Variants in SNX29 observed in about 807,000 individuals in gnomAD.
The protein encoded by SNX29 is sorting nexin 29, also known as sorting nexin-29.
In SNX29, 78 loss-of-function variants were observed where a neutral mutation model predicts 102.1. That is an observed-to-expected ratio of 0.76 (90% CI 0.64 to 0.92). The LOEUF (loss-of-function observed/expected upper bound fraction) is 0.92, where lower values mean the gene tolerates loss of function less well. Among genes scored for constraint, SNX29 ranks in the 40% least tolerant of loss-of-function variants. SNX29 has a pLI of 0.00. For synonymous variants in SNX29, 580 were observed against 414.5 expected, an observed-to-expected ratio of 1.40 and a Z score of -4.85; for missense variants, 1,280 against 1,061.7, an observed-to-expected ratio of 1.21 and a Z score of -2.86.
At chr16:12,187,850 C>G (rs929339146) in intron 13 of SNX29, among the ~76,000 whole-genome samples, 1 of 152,220 alleles carries the variant, frequency 6.6e-6, no homozygotes, top group East Asian at 1.9e-4. Context: ...GAGAGGCTCC[C>G]TCACCTTCCC....
At chr16:12,564,550 C>T (rs1054654066) in intron 20 of SNX29, among the ~76,000 whole-genome samples, 36 of 152,160 alleles carry the variant, frequency 2.4e-4, no homozygotes, top group Non-Finnish European at 4.4e-4. Flanking sequence ...AGGCCTTTGG[C>T]AACCCATTCT....
chr16:12,511,177 C>A (rs962418211), intron 19 of SNX29, among the ~76,000 whole-genome samples: 3 of 152,116 alleles, frequency 2.0e-5, no homozygotes, highest in African/African-American at 7.2e-5. Flanking sequence ...AACTGCGGGA[C>A]TAGTTCATTT....
At position 12,015,039 on chromosome 16, in the gene SNX29, C is replaced by T. The variant is rs111609520; in HGVS notation, c.122+11996C>T. ...GTATGTTTTCCTTCCCTTTGGGTTG[C>T]TTATGTTAATGACCAAGAATTATTT... On this transcript the variant is annotated intron_variant, in intron 3 of 20. Coordinates refer to ENST00000566228, the MANE Select transcript of SNX29 (RefSeq NM_032167.5). Among the ~76,000 whole-genome samples the T allele has an allele frequency of 9.7e-3, 1,475 of 151,966 alleles. 40 individuals are homozygous for T. The highest frequency in any genetic ancestry group is 0.034 in the African/African-American group (1,393 of 41,424).
chr16:12,539,605 AGAGTT>A (rs1428120849), intron 20 of SNX29, among the ~76,000 whole-genome samples: 2 of 152,190 alleles, frequency 1.3e-5, no homozygotes, highest in Non-Finnish European at 2.9e-5. Flanking sequence ...CAAATACCTA[AGAGTT>A]GAGGACTGGA....
At chr16:12,345,998 T>TC (rs1247190093) in intron 15 of SNX29, among the ~76,000 whole-genome samples, 2 of 151,732 alleles carry the variant, frequency 1.3e-5, no homozygotes, top group African/African-American at 4.8e-5. Context: ...CCAGTCCCAC[T>TC]CCCCCCTCCC....
chr16:12,139,852 A>G (rs1186882284), intron 13 of SNX29, among the ~76,000 whole-genome samples: 1 of 151,854 alleles, frequency 6.6e-6, no homozygotes, highest in East Asian at 1.9e-4. Flanking sequence ...GTGGTGGTGC[A>G]TGCCTGTGGT....
chr16:12,148,692 G>T, intron 13 of SNX29, among the ~76,000 whole-genome samples: 1 of 152,104 alleles, frequency 6.6e-6, no homozygotes. Flanking sequence ...CCTTTGTCTT[G>T]TTTTATTTTA....
intron 11 of SNX29, among the ~76,000 whole-genome samples, chr16:12,088,637 T>A (rs1311595172): frequency 6.6e-6 from 1 of 152,218 alleles, no homozygotes; most frequent in African/African-American, 2.4e-5. Flanking sequence ...GTTTGCTGGA[T>A]CCCTTTTTCC....
intron 18 of SNX29, among the ~76,000 whole-genome samples, chr16:12,408,299 G>A (rs2084257661): frequency 6.6e-6 from 1 of 152,242 alleles, no homozygotes; most frequent in Admixed American, 6.5e-5. Context: ...GCTAAGGGCA[G>A]GCCTGCAGCC....
At chr16:11,977,599 A>C (rs2055331929) in intron 1 of SNX29, 1 of 152,338 alleles carries the variant, frequency 6.6e-6, no homozygotes, top group African/African-American at 2.4e-5. Context: ...GGGGACCGTC[A>C]CTTCGTCCTT....
At chr16:12,348,829 G>A (rs1288945208) in intron 15 of SNX29, among the ~76,000 whole-genome samples, 1 of 152,132 alleles carries the variant, frequency 6.6e-6, no homozygotes, top group Non-Finnish European at 1.5e-5. Flanking sequence ...AATTAGGGAC[G>A]GTAACACCAC....
At chr16:12,545,240 TTC>T (rs1366800188) in intron 20 of SNX29, among the ~76,000 whole-genome samples, 1 of 152,180 alleles carries the variant, frequency 6.6e-6, no homozygotes, top group Non-Finnish European at 1.5e-5. Flanking sequence ...AGGGCCTCTG[TTC>T]TCAAGTGGCT....
chr16:11,991,230 A>G (rs1216130991), intron 1 of SNX29, among the ~76,000 whole-genome samples: 2 of 152,228 alleles, frequency 1.3e-5, no homozygotes, highest in Admixed American at 1.3e-4. Context: ...GTATCCTGTA[A>G]TACTAGTAAG....
intron 19 of SNX29, among the ~76,000 whole-genome samples, chr16:12,514,820 G>T (rs558997961): frequency 6.6e-6 from 1 of 152,064 alleles, no homozygotes; most frequent in African/African-American, 2.4e-5. Context: ...AGCCGAGATT[G>T]TGCCACTGCA....
intron 19 of SNX29, among the ~76,000 whole-genome samples, chr16:12,483,960 G>A (rs57626469): frequency 0.13 from 19,233 of 152,286 alleles, 1,546 homozygotes; most frequent in African/African-American, 0.23. Flanking sequence ...CCAGATGTTA[G>A]TGACCAGCTC....
At chr16:12,548,674 G>A (rs2077765354) in intron 20 of SNX29, among the ~76,000 whole-genome samples, 1 of 152,230 alleles carries the variant, frequency 6.6e-6, no homozygotes, top group Non-Finnish European at 1.5e-5. Flanking sequence ...AAGAAGTGAA[G>A]TTTAAAGCCC....
At chr16:12,497,321 G>A (rs751428375) in intron 19 of SNX29, among the ~76,000 whole-genome samples, 3 of 152,050 alleles carry the variant, frequency 2.0e-5, no homozygotes, top group African/African-American at 2.4e-5. Flanking sequence ...ACCAAGTCTC[G>A]TGGCCTTGGA....
chr16:12,257,647 G>A (rs974043804), intron 14 of SNX29, among the ~76,000 whole-genome samples: 6 of 151,506 alleles, frequency 4.0e-5, no homozygotes, highest in Non-Finnish European at 8.8e-5. Flanking sequence ...TAGTTGGGAA[G>A]TTGGAACTAC....
At chr16:12,228,814 A>C (rs942352804) in intron 14 of SNX29, among the ~76,000 whole-genome samples, 1 of 152,216 alleles carries the variant, frequency 6.6e-6, no homozygotes, top group Non-Finnish European at 1.5e-5. Flanking sequence ...AGCTAGGGGC[A>C]CAGAGACTTG....
Sources: gnomAD v4.1 joint callset for allele counts (sites outside exome capture counted in the v4.1 genomes callset) on GRCh38, gnomAD v4.1.1 for gene constraint, MANE v1.5 for transcripts, NCBI Gene and HGNC (gene_info 2026-07-23, HGNC 2026-07-21) for gene names.